The following KCNA2 variants were observed in gnomAD, a reference collection of about 807,000 sequenced individuals.
The protein encoded by KCNA2 is potassium channel, voltage gated shaker related subfamily A, member 2.
KCNA2 carries 11 observed loss-of-function variants against 33.4 expected under a neutral mutation model. That is an observed-to-expected ratio of 0.33 (90% CI 0.21 to 0.55). The LOEUF is 0.55. Among genes scored for constraint, KCNA2 ranks in the 20% least tolerant of loss-of-function variants. KCNA2 has a pLI of 0.93. For missense variants in KCNA2, 291 were observed against 621.6 expected, an observed-to-expected ratio of 0.47 and a Z score of 5.66; for synonymous variants, 222 against 231.3, an observed-to-expected ratio of 0.96 and a Z score of 0.37.
Position 110,594,058 on chromosome 1 carries a change from T to G in KCNA2, c.*9225A>C. 1.4e-6 allele frequency: 2 copies of G among 1,476,024 alleles called. No homozygotes were observed. The highest frequency in any genetic ancestry group is 1.8e-6 in the Non-Finnish European group (2 of 1,115,718). The allele number at this position is 1,476,024 out of a possible 1,614,324, so 91.4% of individuals were successfully genotyped here. A position where few individuals can be genotyped will look rare whatever the true frequency, so the allele number is the denominator to read the frequency against. The stretch of plus-strand genomic sequence containing the variant: ...TATCACCATGGAGACCCCAGTTCCC[T>G]TTCGGCATCATCCTTACGAAGCTTT... On this transcript the variant is annotated 3_prime_UTR_variant, in exon 3 of 3. Coordinates refer to ENST00000316361, the MANE Select transcript of KCNA2 (RefSeq NM_004974.4).
chr1:110,604,589 C>T lies in KCNA2; in HGVS notation c.194G>A (p.Arg65Gln), dbSNP rs1649516324. The T allele has an allele frequency of 1.2e-6, 2 of 1,614,078 alleles. No individual in the cohort carries two copies. The highest frequency in any genetic ancestry group is 8.5e-7 in the Non-Finnish European group (1 of 1,180,034). Residue 65 changes from arginine to glutamine, a missense_variant, in exon 3 of 3, where the codon CGA becomes CAA. Physicochemically the swap from Arg to Gln is conservative, Grantham distance 43 (BLOSUM62 1). Coordinates refer to ENST00000316361, the MANE Select transcript of KCNA2 (RefSeq NM_004974.4). The surrounding 1 kb of genome is among the most constrained non-coding windows in gnomAD (Gnocchi z 7.6). ...PETLLGDPKK[R>Q]MRYFDPLRNE... ...TCGGAGGGGGTCAAAGTACCTCATT[C>T]GTTTCTTTGGGTCCCCTAAGAGGGT...
upstream of KCNA2, among the ~76,000 whole-genome samples, chr1:110,608,520 A>T (rs1225652454): frequency 6.6e-6 from 1 of 152,176 alleles, no homozygotes; most frequent in Non-Finnish European, 1.5e-5. Context: ...AAAGCCCATG[A>T]AGCGGGACTC....
Position 110,616,337 on chromosome 1 carries a change from G to A in KCNA2, c.-495-10615C>T, listed in dbSNP as rs143302394. Among the ~76,000 whole-genome samples the A allele has an allele frequency of 4.1e-3, 623 of 151,814 alleles. 2 individuals are homozygous for A. The highest frequency in any genetic ancestry group is 0.014 in the African/African-American group (581 of 41,468). ...GTTCATCTAGTCAGGGTCAGGGGCC[G>A]TGGCAGTTGTCAGGTCAGCTCTGTG... On this transcript the variant is annotated intron_variant, in intron 1 of 4. Transcript: ENST00000369770.
rs1649188306 is a variant in KCNA2, at chr1:110,598,263, G to A, written c.*5020C>T. 19 of 652,582 alleles carry A rather than the reference G, an allele frequency of 2.9e-5. No homozygotes were observed. Among genetic ancestry groups the A allele is most frequent in the South Asian group, 6.9e-5 (1 of 14,594 alleles). 40.4% of individuals were successfully genotyped at this position (652,582 alleles called of 1,614,324 possible). On this transcript the variant is annotated 3_prime_UTR_variant, in exon 3 of 3. Transcript: ENST00000316361. Reference sequence around the variant, plus strand: ...TGACAATGGGCCCCAGGAAAGCTCTGGGGAGCAGAGCTCAGCACCATCATC... The same window carrying A: ...TGACAATGGGCCCCAGGAAAGCTCTAGGGAGCAGAGCTCAGCACCATCATC...
intron 1 of KCNA2, among the ~76,000 whole-genome samples, chr1:110,617,155 G>A (rs375724675): frequency 2.6e-5 from 4 of 152,206 alleles, no homozygotes; most frequent in African/African-American, 9.6e-5. Flanking sequence ...CACTGTGTGA[G>A]GAGGGATTTT....
rs1649101846 is a variant in KCNA2 at position 110,596,392 on chromosome 1, T to G, written c.*6891A>C. On this transcript the variant is annotated 3_prime_UTR_variant, in exon 3 of 3. Coordinates refer to ENST00000316361, the MANE Select transcript of KCNA2 (RefSeq NM_004974.4). ...GTATATATGGAAAACCTCTAAAAAC[T>G]CAGGACCAATTAACCAAAACCTCGA... 1 of 278,830 alleles carries G rather than the reference T, an allele frequency of 3.6e-6. No individual in the cohort carries two copies. Among genetic ancestry groups the G allele is most frequent in the African/African-American group, 2.3e-5 (1 of 43,462 alleles). 17.3% of individuals were successfully genotyped at this position (278,830 alleles called of 1,614,324 possible). A position where few individuals can be genotyped will look rare whatever the true frequency, so the allele number is the denominator to read the frequency against.
In KCNA2 at chr1:110,601,076, C is replaced by T. The variant is rs1649321470; in HGVS notation, c.*2207G>A. On this transcript the variant is annotated 3_prime_UTR_variant, in exon 3 of 3. Transcript: ENST00000316361. Reference sequence around the variant, plus strand: ...CATTTCAGGGTCAACCTACTGTCTACCTTTAGGCTGTGCAGTGCTCATTTG... The same window carrying T: ...CATTTCAGGGTCAACCTACTGTCTATCTTTAGGCTGTGCAGTGCTCATTTG... 1 of 985,322 alleles carries T rather than the reference C, an allele frequency of 1.0e-6. No homozygotes were observed. Among genetic ancestry groups the T allele is most frequent in the African/African-American group, 1.7e-5 (1 of 57,226 alleles). The allele number at this position is 985,322 out of a possible 1,614,324, so 61.0% of individuals were successfully genotyped here.
At chr1:110,618,982 C>T (rs1046017434) in intron 1 of KCNA2, among the ~76,000 whole-genome samples, 3 of 152,188 alleles carry the variant, frequency 2.0e-5, no homozygotes, top group East Asian at 3.9e-4. Context: ...CAACATAAAT[C>T]GAGTTGTTTT....
In KCNA2 at chr1:110,603,478, A is replaced by G. The variant is rs530865873; in HGVS notation, c.1305T>C (p.Cys435=). The G allele has an allele frequency of 6.2e-7, 1 of 1,613,984 alleles. No homozygotes were observed. Among genetic ancestry groups the G allele is most frequent in the South Asian group, 1.1e-5 (1 of 91,044 alleles). Residue 435 remains cysteine (C), a synonymous_variant, in exon 3 of 3, where the codon TGT becomes TGC. Coordinates refer to ENST00000316361, the MANE Select transcript of KCNA2 (RefSeq NM_004974.4). The surrounding 1 kb of genome is among the most constrained non-coding windows in gnomAD (Gnocchi z 5.7). ...GGTCAGGGGAGGATGGGATCTTTGG[A>G]CAGCTTGTCACTTGCAAGTATTGGG... ...EQAQYLQVTS[C]PKIPSSPDLK... is the part of the protein sequence containing the mutation.
In KCNA2 at chr1:110,594,764, G is replaced by A. The variant is rs886811705; in HGVS notation, c.*8519C>T. On this transcript the variant is annotated 3_prime_UTR_variant, in exon 3 of 3. Transcript: ENST00000316361. ...CCCTCAGGAGCTGAGACTCACCCCC[G>A]CCAAAGCCAGCCAGGCCTCTCTTCT... The A allele has an allele frequency of 9.1e-6, 9 of 985,336 alleles. No individual in the cohort carries two copies. Among genetic ancestry groups the A allele is most frequent in the African/African-American group, 5.2e-5 (3 of 57,218 alleles). The allele number at this position is 985,336 out of a possible 1,614,324, so 61.0% of individuals were successfully genotyped here.
chr1:110,621,158 C>T (rs1650248196), intron 1 of KCNA2, among the ~76,000 whole-genome samples: 1 of 152,224 alleles, frequency 6.6e-6, no homozygotes, highest in Non-Finnish European at 1.5e-5. Context: ...CTCTGTCCTG[C>T]AGAGTCCCAC....
Position 110,595,524 on chromosome 1 carries a change from C to T in KCNA2, c.*7759G>A, listed in dbSNP as rs1257787736. On this transcript the variant is annotated 3_prime_UTR_variant, in exon 3 of 3. Transcript: ENST00000316361. ...ATTGCTCCAGATACAGTGAAAAATC[C>T]CTCCCACTCCCATCTAGGTAGAAAG... The T allele has an allele frequency of 3.0e-6, 3 of 985,262 alleles. No homozygotes were observed. Among genetic ancestry groups the T allele is most frequent in the African/African-American group, 1.7e-5 (1 of 57,202 alleles). The allele number at this position is 985,262 out of a possible 1,614,324, so 61.0% of individuals were successfully genotyped here.
At position 110,600,326 on chromosome 1, in the gene KCNA2, C is replaced by A. The variant is rs1482516862; in HGVS notation, c.*2957G>T. 3.3e-5 allele frequency: 32 copies of A among 982,820 alleles called. No homozygotes were observed. In the Middle Eastern group the frequency reaches 1.6e-3, roughly 48 times the overall value. 60.9% of individuals were successfully genotyped at this position (982,820 alleles called of 1,614,324 possible). On this transcript the variant is annotated 3_prime_UTR_variant, in exon 3 of 3. Transcript: ENST00000316361. ...ATGTGTAGAAACAATGGTAAAGTAG[C>A]CTTTGTGTATCTTATATGCATATGC...
chr1:110,628,700 G>A (rs1444350320), intron 1 of KCNA2, among the ~76,000 whole-genome samples: 11 of 152,140 alleles, frequency 7.2e-5, no homozygotes, highest in Non-Finnish European at 7.4e-5. Context: ...CTTGAAAGAA[G>A]GCAGGAGGTC....
chr1:110,629,972 G>T (rs1405247824), intron 1 of KCNA2, among the ~76,000 whole-genome samples: 5 of 150,912 alleles, frequency 3.3e-5, no homozygotes, highest in Admixed American at 3.3e-4. Context: ...AAATCAAATG[G>T]ACTCAAAAGT....
chr1:110,630,191 A>AT (rs377079591), intron 1 of KCNA2, among the ~76,000 whole-genome samples: 22 of 150,340 alleles, frequency 1.5e-4, no homozygotes, highest in East Asian at 3.9e-4. Flanking sequence ...AATTTTTGTA[A>AT]TTTTTTTTTA....
chr1:110,597,111 G>C lies in KCNA2; in HGVS notation c.*6172C>G. 1 of 985,440 alleles carries C rather than the reference G, an allele frequency of 1.0e-6. No individual in the cohort carries two copies. Among genetic ancestry groups the C allele is most frequent in the Non-Finnish European group, 1.2e-6 (1 of 829,956 alleles). The allele number at this position is 985,440 out of a possible 1,614,324, so 61.0% of individuals were successfully genotyped here. A position where few individuals can be genotyped will look rare whatever the true frequency, so the allele number is the denominator to read the frequency against. The stretch of plus-strand genomic sequence containing the variant: ...TGCTTCCTTCTGCAGCTCTCACGGA[G>C]TCCCTTTGGTTGAGCAAGTCAGCTT... On this transcript the variant is annotated 3_prime_UTR_variant, in exon 3 of 3. Coordinates refer to ENST00000316361, the MANE Select transcript of KCNA2 (RefSeq NM_004974.4).
chr1:110,598,339 G>A lies in KCNA2; in HGVS notation c.*4944C>T, dbSNP rs1331621155. Reference sequence around the variant, plus strand: ...GCACTGTGCTCCCCTGCCTGACATAGGGGTAGTGGTGCCACCTTCATATGC... The same window carrying A: ...GCACTGTGCTCCCCTGCCTGACATAAGGGTAGTGGTGCCACCTTCATATGC... On this transcript the variant is annotated 3_prime_UTR_variant, in exon 3 of 3. Coordinates refer to ENST00000316361, the MANE Select transcript of KCNA2 (RefSeq NM_004974.4). 2 of 967,006 alleles carry A rather than the reference G, an allele frequency of 2.1e-6. No individual in the cohort carries two copies. The highest frequency in any genetic ancestry group is 2.5e-6 in the Non-Finnish European group (2 of 813,288). The allele number at this position is 967,006 out of a possible 1,614,324, so 59.9% of individuals were successfully genotyped here.
At chr1:110,614,913 C>A (rs1041636536) in intron 1 of KCNA2, among the ~76,000 whole-genome samples, 1 of 152,238 alleles carries the variant, frequency 6.6e-6, no homozygotes, top group South Asian at 2.1e-4. Context: ...ACACATGTCA[C>A]TGCCTGTTTA....
Sources: allele counts gnomAD v4.1 joint callset (sites outside exome capture counted in the v4.1 genomes callset), GRCh38; gene constraint gnomAD v4.1.1; non-coding constraint Gnocchi (gnomAD v3.1); transcripts MANE v1.5; gene names NCBI Gene and HGNC (gene_info 2026-07-23, HGNC 2026-07-21).